MYO16: variants seen among roughly 807,000 people sequenced by gnomAD.
MYO16 encodes the protein myosin XVI, also known as unconventional myosin-XVI.
A neutral mutation model predicts 205.3 loss-of-function variants in MYO16; 94 were observed. The observed-to-expected ratio is 0.46, with a 90% CI of 0.39 to 0.54. The LOEUF is 0.54. Ranked by LOEUF, MYO16 falls within the 20% of genes least tolerant of loss-of-function variation. The pLI is 0.00. For missense variants in MYO16, 2,315 were observed against 2,387.5 expected (o/e 0.97, Z 0.63); for synonymous variants, 988 against 954.0 (o/e 1.04, Z -0.66).
Position 108,938,495 on chromosome 13 carries a change from C to T in MYO16, c.1926-19193C>T, listed in dbSNP as rs72654039. On this transcript the variant is annotated intron_variant, in intron 16 of 34. Transcript: ENST00000457511. ...TAAGGGAGAATCCAGTGGATGGCCA[C>T]CAAGCGCTCAGTGCCTAGAAATGGA... Among the ~76,000 whole-genome samples, 963 of 152,284 alleles carry T rather than the reference C, an allele frequency of 6.3e-3. 6 individuals carry two copies. The highest frequency in any genetic ancestry group is 0.01 in the Middle Eastern group (3 of 294).
At chr13:108,548,538 A>T in the MYO16 span, among the ~76,000 whole-genome samples, 1 of 149,798 alleles carries the variant, frequency 6.7e-6, no homozygotes, top group Non-Finnish European at 1.5e-5. Context: ...GGTGAGGATG[A>T]TGATGACAGT....
rs768606435 is a variant in MYO16, at chr13:109,125,374, A to G, written c.3782+16A>G. ...GAAGCAAAAGGTAAAGGCAGAGAGCATGCAATTTTAATTACCTTTGTGATT... is the reference window on the plus strand; with the variant it reads ...GAAGCAAAAGGTAAAGGCAGAGAGCGTGCAATTTTAATTACCTTTGTGATT... On this transcript the variant is annotated intron_variant, in intron 30 of 34. Coordinates refer to ENST00000457511, the MANE Select transcript of MYO16 (RefSeq NM_001198950.3). This position sits in a 1 kb window ranked among gnomAD's most constrained non-coding sequence, Gnocchi z 4.0. 5 of 1,612,884 alleles carry G rather than the reference A, an allele frequency of 3.1e-6. No individual in the cohort carries two copies. The Admixed American group carries it at 8.3e-5, about 27-fold the overall frequency.
At chr13:108,527,272 G>T in the MYO16 span, among the ~76,000 whole-genome samples, 1 of 152,154 alleles carries the variant, frequency 6.6e-6, no homozygotes, top group Admixed American at 6.5e-5. Flanking sequence ...TTAGCAAAGG[G>T]ATTTCATTTA....
At chr13:108,876,145 A>G (rs545607438) in intron 12 of MYO16, among the ~76,000 whole-genome samples, 8 of 152,282 alleles carry the variant, frequency 5.3e-5, no homozygotes, top group African/African-American at 1.4e-4. Flanking sequence ...ATGAATTATA[A>G]TGTGTATATC....
chr13:109,127,514 G>C lies in MYO16; in HGVS notation c.4015G>C (p.Ala1339Pro), dbSNP rs764112051. 1.4e-5 allele frequency: 22 copies of C among 1,611,992 alleles called. No individual in the cohort carries two copies. The Middle Eastern group carries it at 1.3e-3, about 96-fold the overall frequency. The change falls in exon 31 of 35, where the codon GCC becomes CCC. Residue 1339 changes from alanine (A) to proline (P), a missense_variant. Transcript: ENST00000457511. This position sits in a 1 kb window ranked among gnomAD's most constrained non-coding sequence, Gnocchi z 4.2. ...RLSASYEAVS[A>P]CLSAAREAAN... ...GAGTGCTTCCTATGAGGCTGTGAGC[G>C]CCTGCCTCTCCGCGGCCAGGGAAGC...
chr13:108,925,477 G>A (rs987198847), intron 16 of MYO16, among the ~76,000 whole-genome samples: 1 of 151,790 alleles, frequency 6.6e-6, no homozygotes, highest in African/African-American at 2.4e-5. Context: ...ATAAGTGCAA[G>A]TAATTAAATA....
the MYO16 span, among the ~76,000 whole-genome samples, chr13:108,547,884 G>C: frequency 1.3e-5 from 2 of 152,064 alleles, no homozygotes; most frequent in Non-Finnish European, 2.9e-5. Context: ...TTTTGAATTT[G>C]TCTCCCTTCC....
chr13:108,928,250 G>T (rs764753064), intron 16 of MYO16, among the ~76,000 whole-genome samples: 5 of 152,208 alleles, frequency 3.3e-5, no homozygotes, highest in African/African-American at 4.8e-5. Context: ...CAGAGGGGCA[G>T]AAAGGCCAAT....
chr13:108,725,005 TCTTTC>T (rs1884291708), intron 3 of MYO16, among the ~76,000 whole-genome samples: 1 of 152,182 alleles, frequency 6.6e-6, no homozygotes, highest in African/African-American at 2.4e-5. Context: ...AAATCATTTT[TCTTTC>T]CTTGTCATAT....
chr13:109,082,370 TG>T (rs1364292148), intron 27 of MYO16, among the ~76,000 whole-genome samples: 2 of 152,090 alleles, frequency 1.3e-5, no homozygotes, highest in Non-Finnish European at 1.5e-5. Flanking sequence ...GTTAAAACAG[TG>T]GTAATTTTAA....
At chr13:108,688,752 G>C (rs1375108404) in intron 2 of MYO16, among the ~76,000 whole-genome samples, 3 of 152,158 alleles carry the variant, frequency 2.0e-5, no homozygotes, top group Non-Finnish European at 4.4e-5. Flanking sequence ...ATACACAGTT[G>C]TATAAATTTA....
At chr13:108,586,577 G>T in the MYO16 span, among the ~76,000 whole-genome samples, 1 of 152,190 alleles carries the variant, frequency 6.6e-6, no homozygotes, top group East Asian at 1.9e-4. Context: ...CAGATGCAAA[G>T]TGGTCACTCT....
chr13:108,656,473 C>T (rs568980403), intron 1 of MYO16, among the ~76,000 whole-genome samples: 6 of 152,104 alleles, frequency 3.9e-5, no homozygotes, highest in South Asian at 2.1e-4. Context: ...ACCAGGTCAG[C>T]GGGGGATGGG....
At chr13:109,054,646 C>T (rs1406749999) in intron 25 of MYO16, among the ~76,000 whole-genome samples, 2 of 152,048 alleles carry the variant, frequency 1.3e-5, no homozygotes, top group African/African-American at 2.4e-5. Context: ...ATTTACACAA[C>T]AGCCCTGTAC....
At chr13:108,626,298 T>C (rs1879732427), upstream of MYO16, among the ~76,000 whole-genome samples, 1 of 152,176 alleles carries the variant, frequency 6.6e-6, no homozygotes, top group Admixed American at 6.5e-5. Flanking sequence ...GAAAGAACAA[T>C]AGTTCATTGT....
At chr13:108,862,466 G>A (rs1272148874) in intron 11 of MYO16, among the ~76,000 whole-genome samples, 1 of 152,090 alleles carries the variant, frequency 6.6e-6, no homozygotes, top group Non-Finnish European at 1.5e-5. Context: ...GAAGGAGGAG[G>A]ATCCAGATTA....
chr13:108,883,058 G>A lies in MYO16; in HGVS notation c.1426-1G>A. ...CCCCTTGCTGCTGCCCTGTTTTCCAGGTGTCCCAGCTGTATTTCAGCTCCT... is the reference window on the plus strand; with the variant it reads ...CCCCTTGCTGCTGCCCTGTTTTCCAAGTGTCCCAGCTGTATTTCAGCTCCT... On this transcript the variant is annotated splice_acceptor_variant, in intron 12 of 34. Coordinates refer to ENST00000457511, the MANE Select transcript of MYO16 (RefSeq NM_001198950.3). LOFTEE classifies it high-confidence loss of function. The A allele has an allele frequency of 6.2e-7, 1 of 1,613,716 alleles. No homozygotes were observed. The highest frequency in any genetic ancestry group is 1.1e-5 in the South Asian group (1 of 91,028).
intron 16 of MYO16, among the ~76,000 whole-genome samples, chr13:108,949,745 G>A (rs1883070415): frequency 6.6e-6 from 1 of 152,088 alleles, no homozygotes; most frequent in African/African-American, 2.4e-5. Flanking sequence ...AATAAAATCA[G>A]AGGAACTACT....
At chr13:109,159,851 G>T (rs922267997) in intron 32 of MYO16, among the ~76,000 whole-genome samples, 4 of 152,248 alleles carry the variant, frequency 2.6e-5, no homozygotes, top group African/African-American at 9.6e-5. Context: ...GGCGTGTAAG[G>T]GGGGCTGGGG....
Sources: allele counts gnomAD v4.1 joint callset (sites outside exome capture counted in the v4.1 genomes callset), GRCh38; gene constraint gnomAD v4.1.1; non-coding constraint Gnocchi (gnomAD v3.1); transcripts MANE v1.5; gene names NCBI Gene and HGNC (gene_info 2026-07-23, HGNC 2026-07-21).